Variants in SH3PXD2B observed in about 807,000 individuals in gnomAD.
SH3PXD2B encodes the protein SH3 and PX domains 2B.
Under a neutral mutation model 73.1 loss-of-function variants are expected in SH3PXD2B, and 37 were observed. That is an observed-to-expected ratio of 0.51 (90% CI 0.39 to 0.67). The LOEUF is 0.67. Among genes scored for constraint, SH3PXD2B ranks in the 30% least tolerant of loss-of-function variants. The pLI is 0.00. For synonymous variants in SH3PXD2B, 457 were observed against 480.5 expected, an observed-to-expected ratio of 0.95 and a Z score of 0.64; for missense variants, 1,053 against 1,197.8, an observed-to-expected ratio of 0.88 and a Z score of 1.78.
chr5:172,411,296 T>A (rs1758686507), intron 2 of SH3PXD2B, among the ~76,000 whole-genome samples: 1 of 152,116 alleles, frequency 6.6e-6, no homozygotes, highest in Non-Finnish European at 1.5e-5. Context: ...CCTGCCTGAA[T>A]GTACATGTCA....
At chr5:172,378,325 C>T (rs947545520) in intron 5 of SH3PXD2B, among the ~76,000 whole-genome samples, 7 of 152,180 alleles carry the variant, frequency 4.6e-5, no homozygotes, top group South Asian at 4.1e-4. Context: ...TGGGAAGGGC[C>T]GCCAGCGCGG....
At chr5:172,369,243 T>TTTGTTTTG (rs573809526) in intron 6 of SH3PXD2B, among the ~76,000 whole-genome samples, 7 of 129,006 alleles carry the variant, frequency 5.4e-5, no homozygotes, top group South Asian at 3.2e-4. Flanking sequence ...GTTTGTTTTG[T>TTTGTTTTG]TTTTTTTTTA....
intron 1 of SH3PXD2B, among the ~76,000 whole-genome samples, chr5:172,423,172 A>G (rs569288996): frequency 2.6e-5 from 4 of 152,286 alleles, no homozygotes; most frequent in South Asian, 4.1e-4. Flanking sequence ...AGCCCGGGCA[A>G]ACTGAGGTGA....
intron 2 of SH3PXD2B, among the ~76,000 whole-genome samples, chr5:172,416,044 C>A (rs1433415378): frequency 2.0e-5 from 3 of 152,142 alleles, no homozygotes; most frequent in African/African-American, 4.8e-5. Context: ...AGGGGAACTT[C>A]CAGCCGGGCG....
intron 1 of SH3PXD2B, among the ~76,000 whole-genome samples, chr5:172,435,007 ACTT>A (rs1759340490): frequency 6.6e-6 from 1 of 151,932 alleles, no homozygotes; most frequent in Admixed American, 6.6e-5. Context: ...CTGGTCTCAA[ACTT>A]CTGAGCTCAG....
chr5:172,432,925 A>T (rs190157264), intron 1 of SH3PXD2B, among the ~76,000 whole-genome samples: 1 of 78,780 alleles, frequency 1.3e-5, no homozygotes, highest in Non-Finnish European at 2.4e-5. Context: ...CAAAAAAAAA[A>T]GGGGGGGGGG....
In SH3PXD2B at chr5:172,336,699, G is replaced by C; in HGVS notation, c.*1670C>G. On this transcript the variant is annotated 3_prime_UTR_variant, in exon 13 of 13. Transcript: ENST00000311601. ...GATCTCTGGGGCAGGGCAGGGTGGGGAGGGGCGGGGCAGGGCAGGGCAGGG... is the reference window on the plus strand; with the variant it reads ...GATCTCTGGGGCAGGGCAGGGTGGGCAGGGGCGGGGCAGGGCAGGGCAGGG... The C allele has an allele frequency of 1.1e-6, 1 of 945,868 alleles. No homozygotes were observed. Among genetic ancestry groups the C allele is most frequent in the Non-Finnish European group, 1.3e-6 (1 of 795,110 alleles). 58.6% of individuals were successfully genotyped at this position (945,868 alleles called of 1,614,324 possible).
chr5:172,391,426 T>C (rs4868166), intron 4 of SH3PXD2B, among the ~76,000 whole-genome samples: 64,489 of 152,114 alleles, frequency 0.42, 14,851 homozygotes, highest in East Asian at 0.66. Flanking sequence ...ATCAGATATA[T>C]GATTAACAAA....
At chr5:172,379,303 T>C (rs1176126743) in intron 5 of SH3PXD2B, among the ~76,000 whole-genome samples, 2 of 108,984 alleles carry the variant, frequency 1.8e-5, no homozygotes. Context: ...ACCCTGTCTC[T>C]ACAAAAAATT....
chr5:172,333,753 G>A lies in SH3PXD2B; in HGVS notation c.*4616C>T. On this transcript the variant is annotated 3_prime_UTR_variant, in exon 13 of 13. Transcript: ENST00000311601. ...TCCTATGAGCAGACACGAGGTGGTG[G>A]GCAGTGCCCACTGTTCCTGGAGGGA... 1 of 1,289,454 alleles carries A rather than the reference G, an allele frequency of 7.8e-7. No individual in the cohort carries two copies. The allele number at this position is 1,289,454 out of a possible 1,614,324, so 79.9% of individuals were successfully genotyped here. A position where few individuals can be genotyped will look rare whatever the true frequency, so the allele number is the denominator to read the frequency against.
intron 1 of SH3PXD2B, among the ~76,000 whole-genome samples, chr5:172,430,441 C>T (rs1034786514): frequency 3.3e-5 from 5 of 152,236 alleles, no homozygotes; most frequent in Admixed American, 3.3e-4. Context: ...CTTCCAGAGT[C>T]AGGGCTTTGT....
chr5:172,435,200 C>G (rs1372865783), intron 1 of SH3PXD2B, among the ~76,000 whole-genome samples: 1 of 152,216 alleles, frequency 6.6e-6, no homozygotes, highest in African/African-American at 2.4e-5. Context: ...CTATTTTTAG[C>G]AAGTGCTACT....
chr5:172,337,298 C>G lies in SH3PXD2B; in HGVS notation c.*1071G>C, dbSNP rs1295867718. ...CACTTAGCCAGCTTCTATCTCTTCC[C>G]TGCCTGGTTTGTCTTTTACAGAGGG... On this transcript the variant is annotated 3_prime_UTR_variant, in exon 13 of 13. Transcript: ENST00000311601. 2 of 985,528 alleles carry G rather than the reference C, an allele frequency of 2.0e-6. No homozygotes were observed. The highest frequency in any genetic ancestry group is 3.5e-5 in the African/African-American group (2 of 57,252). The allele number at this position is 985,528 out of a possible 1,614,324, so 61.0% of individuals were successfully genotyped here. A position where few individuals can be genotyped will look rare whatever the true frequency, so the allele number is the denominator to read the frequency against.
chr5:172,413,005 G>A (rs1163641833), intron 2 of SH3PXD2B, among the ~76,000 whole-genome samples: 4 of 152,244 alleles, frequency 2.6e-5, no homozygotes, highest in South Asian at 4.1e-4. Context: ...GAGGGAATGC[G>A]AGACACGCTG....
At chr5:172,347,530 G>A (rs529194035) in intron 10 of SH3PXD2B, among the ~76,000 whole-genome samples, 198 bp from the exon 11 acceptor site, 4 of 152,218 alleles carry the variant, frequency 2.6e-5, no homozygotes, top group South Asian at 2.1e-4. Context: ...CTCTCTCGAC[G>A]TAGCTTTTCT....
In SH3PXD2B at chr5:172,375,096, C is replaced by T. The variant is rs1355530457; in HGVS notation, c.402-1281G>A. Among the ~76,000 whole-genome samples the T allele has an allele frequency of 7.2e-5, 11 of 152,270 alleles. No individual in the cohort carries two copies. The East Asian group carries it at 1.7e-3, about 24-fold the overall frequency. ...CCTTTAGGCCAGGAGCGGTGGTTCA[C>T]GCCTGTAATCCCAGCACTTTGGGAG... On this transcript the variant is annotated intron_variant, in intron 5 of 12. Coordinates refer to ENST00000311601, the MANE Select transcript of SH3PXD2B (RefSeq NM_001017995.3).
intron 3 of SH3PXD2B, 74 bp from the exon 4 acceptor site, chr5:172,394,713 A>G (rs1758258186): frequency 2.6e-6 from 4 of 1,520,788 alleles, no homozygotes; most frequent in Non-Finnish European, 3.6e-6. Flanking sequence ...GAGGGTGTGG[A>G]CATGGCGGTT....
chr5:172,434,165 C>T (rs953234), intron 1 of SH3PXD2B, among the ~76,000 whole-genome samples: 38,656 of 151,966 alleles, frequency 0.25, 5,830 homozygotes, highest in East Asian at 0.67. Context: ...TTTGAGGGGA[C>T]GGATACCCCA....
At chr5:172,402,911 C>T (rs1444772864) in intron 3 of SH3PXD2B, among the ~76,000 whole-genome samples, 2 of 152,268 alleles carry the variant, frequency 1.3e-5, no homozygotes, top group Non-Finnish European at 2.9e-5. Flanking sequence ...CTGCCTCCAG[C>T]AGGCCAATTT....
Sources: allele counts gnomAD v4.1 joint callset (sites outside exome capture counted in the v4.1 genomes callset), GRCh38; gene constraint gnomAD v4.1.1; transcripts MANE v1.5; gene names NCBI Gene and HGNC (gene_info 2026-07-23, HGNC 2026-07-21).